ABCC9: variants seen among roughly 807,000 people sequenced by gnomAD.
ABCC9 encodes the protein ATP binding cassette subfamily C member 9, also known as ATP-binding cassette sub-family C member 9.
Under a neutral mutation model 188.3 loss-of-function variants are expected in ABCC9, and 95 were observed. That is an observed-to-expected ratio of 0.50 (90% CI 0.43 to 0.60). The LOEUF is 0.60. ABCC9 is among the 20% of genes least tolerant of loss of function. ABCC9 has a pLI of 0.00. For missense variants in ABCC9, 1,102 were observed against 1,876.3 expected (o/e 0.59, Z 7.62); for synonymous variants, 659 against 652.7 (o/e 1.01, Z -0.15).
chr12:21,895,336 C>T, intron 12 of ABCC9, 21 bp from the exon 13 acceptor site: 1 of 1,603,264 alleles, frequency 6.2e-7, no homozygotes, highest in Non-Finnish European at 8.5e-7. Flanking sequence ...AAATAAAATG[C>T]ATTAGTTTCA....
At chr12:21,805,176 A>C (rs1409975085) in intron 39 of ABCC9, 4 of 1,614,042 alleles carry the variant, frequency 2.5e-6, no homozygotes, top group Non-Finnish European at 3.4e-6. Context: ...ATGATGGTCT[A>C]CTTGTTGGTC....
intron 30 of ABCC9, among the ~76,000 whole-genome samples, chr12:21,829,649 CAGTTCATAA>C (rs1223417661): frequency 6.6e-6 from 1 of 152,232 alleles, no homozygotes; most frequent in East Asian, 1.9e-4. Flanking sequence ...TATTAAAGAT[CAGTTCATAA>C]ATTTCCACAT....
chr12:21,889,411 C>T (rs2137702273), intron 14 of ABCC9, among the ~76,000 whole-genome samples: 1 of 152,230 alleles, frequency 6.6e-6, no homozygotes. Flanking sequence ...TCATTCTGTT[C>T]TTATGTTTTG....
intron 5 of ABCC9, among the ~76,000 whole-genome samples, chr12:21,922,420 G>A (rs1948861206): frequency 6.6e-6 from 1 of 152,010 alleles, no homozygotes; most frequent in Non-Finnish European, 1.5e-5. Context: ...TTAATGTGTT[G>A]TTGAATTTGA....
At chr12:21,825,799 A>T (rs373790677) in intron 31 of ABCC9, among the ~76,000 whole-genome samples, 1 of 152,338 alleles carries the variant, frequency 6.6e-6, no homozygotes, top group East Asian at 1.9e-4. Context: ...TAATTTAAAA[A>T]AAAAGATAAA....
At chr12:21,807,300 C>T (rs763592560) in intron 38 of ABCC9, 46 bp downstream of exon 38, 3 of 1,612,974 alleles carry the variant, frequency 1.9e-6, no homozygotes, top group Middle Eastern at 1.7e-4. Flanking sequence ...TTTTCATGCA[C>T]ATTTCTCCAA....
chr12:21,819,423 T>A (rs1942891156), intron 31 of ABCC9, among the ~76,000 whole-genome samples: 1 of 152,154 alleles, frequency 6.6e-6, no homozygotes, highest in Non-Finnish European at 1.5e-5. Flanking sequence ...ACCTCACATG[T>A]GTACATTCCT....
intron 5 of ABCC9, chr12:21,923,851 T>A (rs1293421373): frequency 6.0e-5 from 42 of 700,210 alleles, no homozygotes; most frequent in Non-Finnish European, 1.0e-4. Flanking sequence ...TCATGATGGC[T>A]AAAACCTGGA....
chr12:21,821,279 A>G (rs1350241990), intron 31 of ABCC9, among the ~76,000 whole-genome samples: 1 of 152,210 alleles, frequency 6.6e-6, no homozygotes, highest in African/African-American at 2.4e-5. Flanking sequence ...TTTAACTCCC[A>G]TGTCCATTTA....
chr12:21,935,629 TC>T (rs1297973730), intron 3 of ABCC9, among the ~76,000 whole-genome samples: 1 of 152,050 alleles, frequency 6.6e-6, no homozygotes, highest in Non-Finnish European at 1.5e-5. Flanking sequence ...TTGAACACAA[TC>T]AACTCAAAAT....
chr12:21,851,962 G>A (rs1052577553), intron 24 of ABCC9, 135 bp downstream of exon 24: 2 of 1,057,876 alleles, frequency 1.9e-6, no homozygotes, highest in Admixed American at 2.3e-5. Flanking sequence ...AGATACAATT[G>A]CTTTGGATTT....
rs992656308 is a variant in ABCC9 at position 21,835,469 on chromosome 12, T to G, written c.3566+2609A>C. 3.9e-5 allele frequency among the ~76,000 whole-genome samples: 6 copies of G among 152,118 alleles called. No individual in the cohort carries two copies. The South Asian group carries it at 6.2e-4, about 16-fold the overall frequency. ...TACATTCTCACATTCAGAGAAGGCT[T>G]ACCACAGTAGATGATAATCATGGAC... On this transcript the variant is annotated intron_variant, in intron 30 of 39. Transcript: ENST00000261200.
chr12:21,807,417 C>A lies in ABCC9; in HGVS notation c.4378G>T (p.Ala1460Ser). The change falls in exon 38 of 40, where the codon GCC becomes TCC. Residue 1460 changes from alanine to serine, a missense_variant. By Grantham distance (99) the Ala-to-Ser change is moderately conservative. This residue lies in a region of ABCC9 where 40 missense variants were observed against 105.5 expected (regional missense o/e 0.38). Transcript: ENST00000261200. The stretch of plus-strand genomic sequence containing the variant: ...CTGCTTTTGCGGACAAAGGCCCTGG[C>A]AAGGCAAAATAGCTGTCTCTGTCCA... ...SVGQRQLFCL[A>S]RAFVRKSSIL... is the part of the protein sequence containing the mutation. 1.2e-6 allele frequency: 2 copies of A among 1,614,002 alleles called. No homozygotes were observed. Among genetic ancestry groups the A allele is most frequent in the Non-Finnish European group, 1.7e-6 (2 of 1,179,894 alleles).
chr12:21,815,309 G>A (rs560779109), intron 34 of ABCC9, among the ~76,000 whole-genome samples: 1 of 128,952 alleles, frequency 7.8e-6, no homozygotes, highest in South Asian at 2.5e-4. Context: ...TTTGCATTTA[G>A]TATATTGTTG....
intron 5 of ABCC9, among the ~76,000 whole-genome samples, chr12:21,919,563 T>C (rs1948725927): frequency 6.6e-6 from 1 of 151,916 alleles, no homozygotes; most frequent in Non-Finnish European, 1.5e-5. Context: ...AGACCTAAAA[T>C]TTTACTAGAT....
In ABCC9 at chr12:21,926,638, T is replaced by C. The variant is rs1434204410; in HGVS notation, c.285-575A>G. 2.0e-5 allele frequency among the ~76,000 whole-genome samples: 3 copies of C among 151,818 alleles called. No homozygotes were observed. The East Asian group carries it at 5.8e-4, about 29-fold the overall frequency. ...CAGCTGAAGGGACAGTGTGAGAACA[T>C]AGAGTGCACGTCTGGGACAAAGAAA... On this transcript the variant is annotated intron_variant, in intron 4 of 39. Coordinates refer to ENST00000261200, the MANE Select transcript of ABCC9 (RefSeq NM_020297.4).
At position 21,838,063 on chromosome 12, in the gene ABCC9, A is replaced by G. The variant is rs766079858; in HGVS notation, c.3566+15T>C. The G allele has an allele frequency of 1.0e-5, 16 of 1,587,550 alleles. No homozygotes were observed. The African/African-American group carries it at 2.0e-4, about 20-fold the overall frequency. On this transcript the variant is annotated intron_variant, in intron 30 of 39. Coordinates refer to ENST00000261200, the MANE Select transcript of ABCC9 (RefSeq NM_020297.4). ...TTATTGCCTAGTCAGCTAATATAAAAATGTGTTTACTCACCTAAAGGCCCG... is the reference window on the plus strand; with the variant it reads ...TTATTGCCTAGTCAGCTAATATAAAGATGTGTTTACTCACCTAAAGGCCCG...
At chr12:21,899,485 C>T (rs1323446732) in intron 12 of ABCC9, among the ~76,000 whole-genome samples, 1 of 152,116 alleles carries the variant, frequency 6.6e-6, no homozygotes, top group Non-Finnish European at 1.5e-5. Context: ...GTGCAGCCCA[C>T]CGAGCATGAG....
At chr12:21,805,853 A>ATTTTTT in intron 39 of ABCC9, 145 bp downstream of exon 39, 1 of 802,386 alleles carries the variant, frequency 1.2e-6, no homozygotes, top group Non-Finnish European at 2.1e-6. Flanking sequence ...ACATCTTCGT[A>ATTTTTT]TTTTTTTTCT....
Sources: allele counts gnomAD v4.1 joint callset (sites outside exome capture counted in the v4.1 genomes callset), GRCh38; gene constraint gnomAD v4.1.1; regional missense constraint gnomAD v4.1.1; transcripts MANE v1.5; gene names NCBI Gene and HGNC (gene_info 2026-07-23, HGNC 2026-07-21).